The following MCOLN1 variants were observed in gnomAD, a reference collection of about 807,000 sequenced individuals.
The protein encoded by MCOLN1 is mucolipin-1.
In MCOLN1, 50 loss-of-function variants were observed where a neutral mutation model predicts 70.3. The observed-to-expected ratio is 0.71, with a 90% CI of 0.57 to 0.90. The LOEUF is 0.90. Among genes scored for constraint, MCOLN1 ranks in the 40% least tolerant of loss-of-function variants. The pLI is 0.00. For synonymous variants in MCOLN1, 366 were observed against 341.0 expected, an observed-to-expected ratio of 1.07 and a Z score of -0.81; for missense variants, 598 against 803.5, an observed-to-expected ratio of 0.74 and a Z score of 3.09.
rs1212798187 is a variant in MCOLN1, at chr19:7,522,703, C to T, written c.-48C>T. ...CAGTGACAGCGGCGGGCGATCGGAC[C>T]CAGGCTGCCCCGCCGTACCCGCCTG... On this transcript the variant is annotated 5_prime_UTR_variant, in exon 1 of 14. Coordinates refer to ENST00000264079, the MANE Select transcript of MCOLN1 (RefSeq NM_020533.3). 3 of 1,436,560 alleles carry T rather than the reference C, an allele frequency of 2.1e-6. No homozygotes were observed. The South Asian group carries it at 4.3e-5, about 21-fold the overall frequency. 89.0% of individuals were successfully genotyped at this position (1,436,560 alleles called of 1,614,324 possible).
intron 12 of MCOLN1, 47 bp from the exon 13 acceptor site, chr19:7,533,476 A>G (rs1599258261): frequency 1.9e-6 from 3 of 1,607,254 alleles, no homozygotes; most frequent in Non-Finnish European, 2.5e-6. Context: ...AGGGCCTTGG[A>G]GGTTGGGAGC....
chr19:7,532,432 G>A (rs2022666801), intron 12 of MCOLN1, among the ~76,000 whole-genome samples: 1 of 152,016 alleles, frequency 6.6e-6, no homozygotes, highest in Non-Finnish European at 1.5e-5. Flanking sequence ...TTCCGGCTGG[G>A]CACGGTGACT....
intron 10 of MCOLN1, 54 bp downstream of exon 10, chr19:7,529,256 A>G (rs2022619149): frequency 1.3e-6 from 2 of 1,491,476 alleles, no homozygotes; most frequent in Middle Eastern, 1.7e-4. Flanking sequence ...ACACCCTCCA[A>G]ATAAATCCCT....
Position 7,528,138 on chromosome 19 carries a change from C to A in MCOLN1, c.778-20C>A, listed in dbSNP as rs1427787479. The A allele has an allele frequency of 1.2e-6, 2 of 1,612,450 alleles. No homozygotes were observed. The highest frequency in any genetic ancestry group is 2.7e-5 in the African/African-American group (2 of 74,870). On this transcript the variant is annotated intron_variant, in intron 6 of 13. Coordinates refer to ENST00000264079, the MANE Select transcript of MCOLN1 (RefSeq NM_020533.3). This position sits in a 1 kb window ranked among gnomAD's most constrained non-coding sequence, Gnocchi z 4.2. The stretch of plus-strand genomic sequence containing the variant: ...CTTGGGGCTGCCAAGGTTTACTCTG[C>A]CCCCAACTGGCCCCCACAGATCACG...
In MCOLN1 at chr19:7,525,007, G is replaced by A. The variant is rs746629838; in HGVS notation, c.78G>A (p.Ala26=). 60 of 1,613,706 alleles carry A rather than the reference G, an allele frequency of 3.7e-5. No homozygotes were observed. Among genetic ancestry groups the A allele is most frequent in the Non-Finnish European group, 4.5e-5 (53 of 1,179,978 alleles). The part of the protein sequence containing the change: ...LTPNPGYGTQ[A]GPSPAPPTPP... ...CCAACCCCGGGTATGGGACCCAGGC[G>A]GGGCCTTCACCGGCCCCTCCGACAC... Residue 26 remains alanine (A), a synonymous_variant, in exon 2 of 14, where the codon GCG becomes GCA. Coordinates refer to ENST00000264079, the MANE Select transcript of MCOLN1 (RefSeq NM_020533.3). The surrounding 1 kb of genome is among the most constrained non-coding windows in gnomAD (Gnocchi z 4.2).
chr19:7,528,514 G>A lies in MCOLN1; in HGVS notation c.878-83G>A, dbSNP rs2022605351. 1.3e-6 allele frequency: 2 copies of A among 1,575,208 alleles called. No homozygotes were observed. Among genetic ancestry groups the A allele is most frequent in the Admixed American group, 1.7e-5 (1 of 57,412 alleles). On this transcript the variant is annotated intron_variant, in intron 7 of 13. Transcript: ENST00000264079. The surrounding 1 kb of genome is among the most constrained non-coding windows in gnomAD (Gnocchi z 4.2). Reference sequence around the variant, plus strand: ...CAAAACCAGCCGTGCAGCCCCCTAGGTCTCCAGCCTGGCCTGGCACCAATG... The same window carrying A: ...CAAAACCAGCCGTGCAGCCCCCTAGATCTCCAGCCTGGCCTGGCACCAATG...
chr19:7,529,273 G>A lies in MCOLN1; in HGVS notation c.1236+71G>A, dbSNP rs625910. The A allele has an allele frequency of 0.32, 432,917 of 1,359,176 alleles. 72,323 individuals carry two copies. Among genetic ancestry groups the A allele is most frequent in the Middle Eastern group, 0.48 (2,683 of 5,634 alleles). The allele number at this position is 1,359,176 out of a possible 1,614,324, so 84.2% of individuals were successfully genotyped here. Reference sequence around the variant, plus strand: ...ACCCTCCAAATAAATCCCTACACACGCAGCCCTCACCAGCCCCGGCCAATG... The same window carrying A: ...ACCCTCCAAATAAATCCCTACACACACAGCCCTCACCAGCCCCGGCCAATG... On this transcript the variant is annotated intron_variant, in intron 10 of 13. Transcript: ENST00000264079.
Position 7,528,667 on chromosome 19 carries a change from C to G in MCOLN1, c.948C>G (p.Cys316Trp), listed in dbSNP as rs759397627. Residue 316 changes from cysteine to tryptophan, a missense_variant, in exon 8 of 14, where the codon TGC (cysteine) becomes TGG (tryptophan). Coordinates refer to ENST00000264079, the MANE Select transcript of MCOLN1 (RefSeq NM_020533.3). This position sits in a 1 kb window ranked among gnomAD's most constrained non-coding sequence, Gnocchi z 4.2. ...ILTCSLSFLL[C>W]ARSLLRGFLL... ...CCTGCTCCCTGTCCTTCCTCCTCTG[C>G]GCCCGCTCACTCCTTCGAGGCTTCC... 4 of 1,614,216 alleles carry G rather than the reference C, an allele frequency of 2.5e-6. No homozygotes were observed. The East Asian group carries it at 8.9e-5, about 36-fold the overall frequency.
intron 12 of MCOLN1, among the ~76,000 whole-genome samples, chr19:7,532,068 G>C (rs1324023661): frequency 1.3e-5 from 2 of 152,242 alleles, no homozygotes; most frequent in African/African-American, 4.8e-5. Context: ...GGGTGGCTGG[G>C]AACAGTGGTT....
In MCOLN1 at chr19:7,533,830, A is replaced by C; in HGVS notation, c.*35A>C. ...ACTGCCGTTGGACCGTAGGCCCTGG[A>C]CTGCAGAGACCCCCGCCCCCGACCC... On this transcript the variant is annotated 3_prime_UTR_variant, in exon 14 of 14. Transcript: ENST00000264079. 1 of 1,612,534 alleles carries C rather than the reference A, an allele frequency of 6.2e-7. No individual in the cohort carries two copies. The highest frequency in any genetic ancestry group is 8.5e-7 in the Non-Finnish European group (1 of 1,178,720).
Position 7,526,264 on chromosome 19 carries a change from A to C in MCOLN1, c.238-175A>C. ...CCAGGAGGTGGGGTGAAATTAATCA[A>C]AGCAAAGAAATGCACAAGTGAAATC... is the stretch of plus-strand genomic sequence containing the variant. On this transcript the variant is annotated intron_variant, in intron 2 of 13. Coordinates refer to ENST00000264079, the MANE Select transcript of MCOLN1 (RefSeq NM_020533.3). The surrounding 1 kb of genome is among the most constrained non-coding windows in gnomAD (Gnocchi z 4.6). 1 of 766,270 alleles carries C rather than the reference A, an allele frequency of 1.3e-6. No individual in the cohort carries two copies. Among genetic ancestry groups the C allele is most frequent in the Non-Finnish European group, 2.3e-6 (1 of 443,034 alleles). The allele number at this position is 766,270 out of a possible 1,614,324, so 47.5% of individuals were successfully genotyped here. A position where few individuals can be genotyped will look rare whatever the true frequency, so the allele number is the denominator to read the frequency against.
At chr19:7,530,530 C>T (rs759895176) in intron 12 of MCOLN1, 29 bp downstream of exon 12, 18 of 1,595,006 alleles carry the variant, frequency 1.1e-5, no homozygotes, top group East Asian at 2.2e-5. Context: ...GCCCTGAGCT[C>T]GGGCTCTGGG....
At chr19:7,527,186 C>T (rs1298390126) in intron 4 of MCOLN1, 8 of 560,518 alleles carry the variant, frequency 1.4e-5, no homozygotes, top group South Asian at 7.4e-5. Context: ...GCAGGAGGAT[C>T]GCTTGAGTCC....
At position 7,533,955 on chromosome 19, in the gene MCOLN1, T is replaced by C; in HGVS notation, c.*160T>C. On this transcript the variant is annotated 3_prime_UTR_variant, in exon 14 of 14. Coordinates refer to ENST00000264079, the MANE Select transcript of MCOLN1 (RefSeq NM_020533.3). ...GTCGGACCCTTGGGGGCGGGGAGAC[T>C]GGGTGGGGAGGGTGTTGAATAAAAG... 1.3e-6 allele frequency: 1 copy of C among 786,380 alleles called. No individual in the cohort carries two copies. Among genetic ancestry groups the C allele is most frequent in the Non-Finnish European group, 2.2e-6 (1 of 463,436 alleles). 48.7% of individuals were successfully genotyped at this position (786,380 alleles called of 1,614,324 possible). A position where few individuals can be genotyped will look rare whatever the true frequency, so the allele number is the denominator to read the frequency against.
At chr19:7,532,340 C>G (rs1276102876) in intron 12 of MCOLN1, among the ~76,000 whole-genome samples, 2 of 152,174 alleles carry the variant, frequency 1.3e-5, no homozygotes, top group African/African-American at 4.8e-5. Flanking sequence ...ATTGGTATGA[C>G]AGGAGATCCA....
chr19:7,526,488 A>G lies in MCOLN1; in HGVS notation c.287A>G (p.Glu96Gly). The stretch of plus-strand genomic sequence containing the variant: ...CAGCTGGCTGTGACATTCCGGGAAG[A>G]GAACACCATCGCCTTCCGACACCTC... ...SNQLAVTFRE[E>G]NTIAFRHLFL... Residue 96 changes from glutamate to glycine, a missense_variant, in exon 3 of 14, where the codon GAG (glutamate) becomes GGG (glycine). Glu to Gly is a moderately conservative substitution (Grantham distance 98). Coordinates refer to ENST00000264079, the MANE Select transcript of MCOLN1 (RefSeq NM_020533.3). This position sits in a 1 kb window ranked among gnomAD's most constrained non-coding sequence, Gnocchi z 4.6. 6.2e-7 allele frequency: 1 copy of G among 1,614,256 alleles called. No individual in the cohort carries two copies. Among genetic ancestry groups the G allele is most frequent in the Non-Finnish European group, 8.5e-7 (1 of 1,180,044 alleles).
chr19:7,529,506 G>GGGGGGGC, intron 10 of MCOLN1, 84 bp from the exon 11 acceptor site: 1 of 280,226 alleles, frequency 3.6e-6, no homozygotes, highest in Non-Finnish European at 6.4e-6. Flanking sequence ...GCAAGGCCCC[G>GGGGGGGC]CCCCTCCCAC....
At position 7,528,593 on chromosome 19, in the gene MCOLN1, G is replaced by A. The variant is rs201492918; in HGVS notation, c.878-4G>A. 5.5e-5 allele frequency: 88 copies of A among 1,614,074 alleles called. No individual in the cohort carries two copies. Among genetic ancestry groups the A allele is most frequent in the Admixed American group, 5.0e-4 (30 of 60,022 alleles). On this transcript the variant is annotated splice_region_variant and splice_polypyrimidine_tract_variant and intron_variant, in intron 7 of 13. Coordinates refer to ENST00000264079, the MANE Select transcript of MCOLN1 (RefSeq NM_020533.3). The surrounding 1 kb of genome is among the most constrained non-coding windows in gnomAD (Gnocchi z 4.2). The stretch of plus-strand genomic sequence containing the variant: ...TGGCCCTACCCGCTCTGCCCTCCCC[G>A]CAGGAGACAACAGCTTCCGGCTCCT...
intron 11 of MCOLN1, 136 bp from the exon 12 acceptor site, chr19:7,530,150 G>A (rs1433899927): frequency 1.4e-5 from 11 of 802,082 alleles, no homozygotes; most frequent in Non-Finnish European, 2.4e-5. Context: ...CATGGTGACC[G>A]CAGCCCGGGA....
Sources: allele counts gnomAD v4.1 joint callset (sites outside exome capture counted in the v4.1 genomes callset), GRCh38; gene constraint gnomAD v4.1.1; non-coding constraint Gnocchi (gnomAD v3.1); transcripts MANE v1.5; gene names NCBI Gene and HGNC (gene_info 2026-07-23, HGNC 2026-07-21).